Variants in HCK observed in about 807,000 individuals in gnomAD.
HCK encodes HCK proto-oncogene, Src family tyrosine kinase, also known as tyrosine-protein kinase HCK.
Under a neutral mutation model 70.4 loss-of-function variants are expected in HCK, and 40 were observed. That is an observed-to-expected ratio of 0.57 (90% CI 0.44 to 0.74). HCK has a LOEUF of 0.74. Ranked by LOEUF, HCK falls within the 30% of genes least tolerant of loss-of-function variation. HCK has a pLI of 0.00. For missense variants in HCK, 568 were observed against 697.2 expected, an observed-to-expected ratio of 0.81 and a Z score of 2.09; for synonymous variants, 245 against 263.2, an observed-to-expected ratio of 0.93 and a Z score of 0.67.
At chr20:32,059,297 C>CCTTCCTTCCTTCCT (rs1406061338) in intron 1 of HCK, among the ~76,000 whole-genome samples, 15 of 26,154 alleles carry the variant, frequency 5.7e-4, no homozygotes, top group Admixed American at 1.9e-3. Context: ...CCTTCCTTCC[C>CCTTCCTTCCTTCCT]TCCCTCCCTC....
At chr20:32,092,565 G>A (rs900914367) in intron 10 of HCK, among the ~76,000 whole-genome samples, 4 of 152,122 alleles carry the variant, frequency 2.6e-5, no homozygotes, top group East Asian at 1.9e-4. Context: ...ATCTTTAAAT[G>A]TACATCAGAA....
chr20:32,101,525 A>C lies in HCK; in HGVS notation c.*6A>C, dbSNP rs1262428056. The C allele has an allele frequency of 6.2e-7, 1 of 1,610,704 alleles. No individual in the cohort carries two copies. The highest frequency in any genetic ancestry group is 8.5e-7 in the Non-Finnish European group (1 of 1,178,394). ...AGTACCAACAGCAGCCATGATAGGGAGGACCAGGGCAGGGCCAGGGGGTGC... is the reference window on the plus strand; with the variant it reads ...AGTACCAACAGCAGCCATGATAGGGCGGACCAGGGCAGGGCCAGGGGGTGC... On this transcript the variant is annotated 3_prime_UTR_variant, in exon 13 of 13. Transcript: ENST00000375852.
chr20:32,068,099 C>A (rs141901266), intron 1 of HCK, among the ~76,000 whole-genome samples: 2,533 of 152,004 alleles, frequency 0.017, 71 homozygotes, highest in African/African-American at 0.058. Context: ...GAGTTCAAGA[C>A]CAGCCTGACC....
chr20:32,080,914 C>A (rs2045701143), intron 6 of HCK, among the ~76,000 whole-genome samples: 1 of 151,824 alleles, frequency 6.6e-6, no homozygotes, highest in Non-Finnish European at 1.5e-5. Context: ...ATAGTGAGAC[C>A]CCATCTGTAT....
At chr20:32,096,693 T>C (rs1287576480) in intron 11 of HCK, among the ~76,000 whole-genome samples, 3 of 151,856 alleles carry the variant, frequency 2.0e-5, no homozygotes, top group African/African-American at 7.3e-5. Flanking sequence ...GTAGAGATAG[T>C]GTCTCACTGT....
chr20:32,072,925 A>G (rs1600719567), intron 2 of HCK, among the ~76,000 whole-genome samples: 5 of 152,128 alleles, frequency 3.3e-5, no homozygotes, highest in Admixed American at 3.3e-4. Flanking sequence ...ACATGGTGAA[A>G]CCCCATCTCT....
chr20:32,053,160 T>C (rs1284198961), intron 1 of HCK, among the ~76,000 whole-genome samples: 1 of 152,054 alleles, frequency 6.6e-6, no homozygotes, highest in Non-Finnish European at 1.5e-5. Flanking sequence ...ATGCAGGAAA[T>C]TGGAGTATGC....
At chr20:32,061,522 G>A (rs561234783) in intron 1 of HCK, among the ~76,000 whole-genome samples, 6 of 152,282 alleles carry the variant, frequency 3.9e-5, no homozygotes, top group African/African-American at 7.2e-5. Flanking sequence ...TGGCCACCAC[G>A]TTTAAGAGGT....
intron 12 of HCK, among the ~76,000 whole-genome samples, chr20:32,099,539 G>T (rs1442352974): frequency 6.6e-6 from 1 of 151,670 alleles, no homozygotes; most frequent in Non-Finnish European, 1.5e-5. Context: ...TGTATTTTTA[G>T]TAGAGACGGG....
chr20:32,061,936 C>CT (rs557203114), intron 1 of HCK, among the ~76,000 whole-genome samples: 6,040 of 122,030 alleles, frequency 0.049, 380 homozygotes, highest in African/African-American at 0.09. Context: ...TCTGACTTAC[C>CT]TTTTTTTTTT....
At chr20:32,089,827 G>A (rs76175734) in intron 10 of HCK, among the ~76,000 whole-genome samples, 384 of 152,342 alleles carry the variant, frequency 2.5e-3, no homozygotes, top group East Asian at 0.019. Context: ...CCTCTAGGCC[G>A]AGCCTGAAGG....
intron 8 of HCK, among the ~76,000 whole-genome samples, chr20:32,086,032 T>C (rs892090657): frequency 3.9e-5 from 6 of 152,104 alleles, no homozygotes; most frequent in Non-Finnish European, 7.4e-5. Context: ...GTTTGTTTGT[T>C]TGTTTGAGAC....
At chr20:32,092,264 G>C (rs1400764115) in intron 10 of HCK, among the ~76,000 whole-genome samples, 2 of 152,168 alleles carry the variant, frequency 1.3e-5, no homozygotes, top group Non-Finnish European at 2.9e-5. Flanking sequence ...AGACTGGTTT[G>C]AGCCTGACAT....
intron 7 of HCK, 122 bp downstream of exon 7, chr20:32,084,165 G>T (rs1292643117): frequency 1.7e-6 from 2 of 1,157,752 alleles, no homozygotes; most frequent in Non-Finnish European, 2.4e-6. Flanking sequence ...ACAGATAGTT[G>T]CTTTGGATGC....
intron 11 of HCK, among the ~76,000 whole-genome samples, chr20:32,095,718 G>A (rs948451323): frequency 1.3e-5 from 2 of 152,110 alleles, no homozygotes; most frequent in Non-Finnish European, 2.9e-5. Context: ...TGAAAGCCAC[G>A]GAATTATACA....
chr20:32,087,291 C>T (rs2045802437), intron 9 of HCK, among the ~76,000 whole-genome samples: 2 of 144,266 alleles, frequency 1.4e-5, no homozygotes, highest in Admixed American at 1.4e-4. Flanking sequence ...CCATTTTCAA[C>T]CCCTGCCATT....
At position 32,101,380 on chromosome 20, in the gene HCK, A is replaced by C; in HGVS notation, c.1442A>C (p.Asn481Thr). 1 of 1,614,192 alleles carries C rather than the reference A, an allele frequency of 6.2e-7. No individual in the cohort carries two copies. Among genetic ancestry groups the C allele is most frequent in the Non-Finnish European group, 8.5e-7 (1 of 1,180,022 alleles). ...GGATACCGGATGCCTCGCCCAGAGA[A>C]CTGCCCAGAGGAGCTCTACAACATC... The change falls in exon 13 of 13, where the codon AAC becomes ACC. Residue 481 changes from asparagine (N) to threonine (T), a missense_variant. Asn to Thr is a moderately conservative substitution (Grantham distance 65). Coordinates refer to ENST00000375852, the MANE Select transcript of HCK (RefSeq NM_002110.5).
intron 8 of HCK, among the ~76,000 whole-genome samples, chr20:32,085,723 C>G (rs1316067596): frequency 2.0e-5 from 3 of 152,014 alleles, no homozygotes; most frequent in African/African-American, 7.3e-5. Flanking sequence ...CAAGACCCAC[C>G]AAATGAAGCA....
In HCK at chr20:32,094,023, A is replaced by G. The variant is rs370474555; in HGVS notation, c.1246+7A>G. 1.9e-6 allele frequency: 3 copies of G among 1,610,134 alleles called. No homozygotes were observed. The highest frequency in any genetic ancestry group is 2.7e-5 in the African/African-American group (2 of 74,602). On this transcript the variant is annotated splice_region_variant and intron_variant, in intron 11 of 12. Transcript: ENST00000375852. ...GAGTACACGGCTCGGGAAGGTAGGGAACGCTGCCAAGCAGCCCCACGTTGC... is the reference window on the plus strand; with the variant it reads ...GAGTACACGGCTCGGGAAGGTAGGGGACGCTGCCAAGCAGCCCCACGTTGC...
Sources: allele counts gnomAD v4.1 joint callset (sites outside exome capture counted in the v4.1 genomes callset), GRCh38; gene constraint gnomAD v4.1.1; transcripts MANE v1.5; gene names NCBI Gene and HGNC (gene_info 2026-07-23, HGNC 2026-07-21).